MCOLN3: variants seen among roughly 807,000 people sequenced by gnomAD.
MCOLN3 encodes the protein mucolipin-3.
In MCOLN3, 62 loss-of-function variants were observed where a neutral mutation model predicts 69.4. That is an observed-to-expected ratio of 0.89 (90% confidence interval 0.73 to 1.10). The LOEUF (loss-of-function observed/expected upper bound fraction) is 1.10, where lower values mean the gene tolerates loss of function less well. MCOLN3 is among the 50% of genes least tolerant of loss of function. The pLI is 0.00. For synonymous variants in MCOLN3, 183 were observed against 217.0 expected (o/e 0.84, Z 1.38); for missense variants, 564 against 656.4 (o/e 0.86, Z 1.54).
At chr1:85,044,383 G>A (rs896228623) in intron 2 of MCOLN3, among the ~76,000 whole-genome samples, 13 of 152,084 alleles carry the variant, frequency 8.5e-5, no homozygotes, top group African/African-American at 2.4e-4. Flanking sequence ...GGAAGAGTAA[G>A]TAATAATAAA....
In MCOLN3 at chr1:85,045,129, T is replaced by C. The variant is rs780395568; in HGVS notation, c.228+4A>G. On this transcript the variant is annotated splice_donor_region_variant and intron_variant, in intron 2 of 12. Coordinates refer to ENST00000370589, the MANE Select transcript of MCOLN3 (RefSeq NM_018298.11). ...TCACCAAACTCATGATCTGAGATGC[T>C]TACCTGGATAGTCACCATTGCAATT... is the stretch of plus-strand genomic sequence containing the variant. The C allele has an allele frequency of 4.3e-6, 7 of 1,609,778 alleles. No individual in the cohort carries two copies. In the South Asian group the frequency reaches 6.6e-5, roughly 15 times the overall value.
chr1:85,032,616 TA>T, intron 6 of MCOLN3, 79 bp downstream of exon 6: 1 of 1,029,694 alleles, frequency 9.7e-7, no homozygotes, highest in Non-Finnish European at 1.5e-6. Flanking sequence ...TATCACACCG[TA>T]ATCCAAGGAT....
In MCOLN3 at chr1:85,026,009, T is replaced by C. The variant is rs1652195274; in HGVS notation, c.1025A>G (p.Tyr342Cys). ...SDQMEFVNGW[Y>C]IMIIISDILT... ...TATGTCACTAATAATAATCATAATG[T>C]ACCATCCATTGACAAATTCCATTTG... Residue 342 changes from tyrosine (Y) to cysteine (C), a missense_variant, in exon 9 of 13, where the codon TAC (tyrosine) becomes TGC (cysteine). By Grantham distance (194) the Tyr-to-Cys change is radical. Coordinates refer to ENST00000370589, the MANE Select transcript of MCOLN3 (RefSeq NM_018298.11). 6.3e-7 allele frequency: 1 copy of C among 1,599,148 alleles called. No homozygotes were observed. The highest frequency in any genetic ancestry group is 1.1e-5 in the South Asian group (1 of 88,672).
chr1:85,048,047 C>T (rs1213279238), intron 1 of MCOLN3, among the ~76,000 whole-genome samples: 1 of 152,254 alleles, frequency 6.6e-6, no homozygotes, highest in Non-Finnish European at 1.5e-5. Flanking sequence ...GCCTTCCAGC[C>T]CAGGGGCTCC....
At chr1:85,038,437 A>T (rs1362942319) in intron 3 of MCOLN3, among the ~76,000 whole-genome samples, 1 of 152,256 alleles carries the variant, frequency 6.6e-6, no homozygotes, top group Non-Finnish European at 1.5e-5. Context: ...GGTCTCTCAC[A>T]TTCAAATATA....
intron 6 of MCOLN3, among the ~76,000 whole-genome samples, chr1:85,031,038 C>T (rs892679905): frequency 9.2e-5 from 14 of 151,796 alleles, no homozygotes; most frequent in Non-Finnish European, 2.1e-4. Flanking sequence ...TTTGGGAGGC[C>T]GAGGTGGGTG....
intron 3 of MCOLN3, 36 bp from the exon 4 acceptor site, chr1:85,034,287 C>T (rs200249742): frequency 4.3e-5 from 70 of 1,612,076 alleles, no homozygotes; most frequent in African/African-American, 3.2e-4. Context: ...ATGGGAATGC[C>T]AGCCAGGGCA....
In MCOLN3 at chr1:85,041,080, C is replaced by A. The variant is rs756033195; in HGVS notation, c.326G>T (p.Arg109Leu). ...GTACACTGCATATGTGTCATCCATTCGGTCCATATATCCTTTTAGGAAAAG... is the reference window on the plus strand; with the variant it reads ...GTACACTGCATATGTGTCATCCATTAGGTCCATATATCCTTTTAGGAAAAG... ...KHLFLKGYMD[R>L]MDDTYAVYTQ... The change falls in exon 3 of 13, where the codon CGA becomes CTA. Residue 109 changes from arginine to leucine, a missense_variant. Physicochemically the swap from Arg to Leu is moderately radical, Grantham distance 102. Coordinates refer to ENST00000370589, the MANE Select transcript of MCOLN3 (RefSeq NM_018298.11). 4 of 1,613,936 alleles carry A rather than the reference C, an allele frequency of 2.5e-6. No homozygotes were observed. The highest frequency in any genetic ancestry group is 3.4e-6 in the Non-Finnish European group (4 of 1,179,928).
Position 85,026,153 on chromosome 1 carries a change from A to G in MCOLN3, c.945+19T>C. 1 of 1,613,400 alleles carries G rather than the reference A, an allele frequency of 6.2e-7. No individual in the cohort carries two copies. Among genetic ancestry groups the G allele is most frequent in the Non-Finnish European group, 8.5e-7 (1 of 1,179,362 alleles). ...CAATCAAAATGTCAGTAGCATTCCTAGAAAGCAACGTTCCCTACCTGCTGA... is the reference window on the plus strand; with the variant it reads ...CAATCAAAATGTCAGTAGCATTCCTGGAAAGCAACGTTCCCTACCTGCTGA... On this transcript the variant is annotated intron_variant, in intron 8 of 12. Transcript: ENST00000370589.
Position 85,025,991 on chromosome 1 carries a change from C to G in MCOLN3, c.1043G>C (p.Ser348Thr). Residue 348 changes from serine (S) to threonine (T), a missense_variant, in exon 9 of 13, where the codon AGT becomes ACT. Transcript: ENST00000370589. ...TGATCCAATGATTGTCAATATGTCACTAATAATAATCATAATGTACCATCC... is the reference window on the plus strand; with the variant it reads ...TGATCCAATGATTGTCAATATGTCAGTAATAATAATCATAATGTACCATCC... Reference protein sequence around the residue: ...VNGWYIMIIISDILTIIGSIL... With the variant: ...VNGWYIMIIITDILTIIGSIL... 1 of 1,598,892 alleles carries G rather than the reference C, an allele frequency of 6.3e-7. No individual in the cohort carries two copies. The highest frequency in any genetic ancestry group is 8.5e-7 in the Non-Finnish European group (1 of 1,172,466).
At chr1:85,041,483 C>T (rs1398787357) in intron 2 of MCOLN3, among the ~76,000 whole-genome samples, 1 of 152,160 alleles carries the variant, frequency 6.6e-6, no homozygotes, top group Non-Finnish European at 1.5e-5. Flanking sequence ...GGATTGACCT[C>T]AGCATTTTAC....
At chr1:85,043,742 A>G (rs1653196297) in intron 2 of MCOLN3, among the ~76,000 whole-genome samples, 1 of 152,214 alleles carries the variant, frequency 6.6e-6, no homozygotes, top group African/African-American at 2.4e-5. Context: ...TCAACTTGCC[A>G]AGTATTTGGC....
intron 6 of MCOLN3, among the ~76,000 whole-genome samples, chr1:85,032,403 C>A (rs1652582742): frequency 6.6e-6 from 1 of 152,132 alleles, no homozygotes; most frequent in South Asian, 2.1e-4. Context: ...ACACCTATTC[C>A]TTTTGGGTTT....
At chr1:85,022,217 G>T in intron 10 of MCOLN3, 25 bp from the exon 11 acceptor site, 1 of 1,613,874 alleles carries the variant, frequency 6.2e-7, no homozygotes, top group Non-Finnish European at 8.5e-7. Flanking sequence ...GAGGCCATTA[G>T]AATGGTTTTG....
chr1:85,031,424 T>G (rs1165079155), intron 6 of MCOLN3, among the ~76,000 whole-genome samples: 1 of 152,186 alleles, frequency 6.6e-6, no homozygotes, highest in East Asian at 1.9e-4. Flanking sequence ...GGTAAATATT[T>G]GAGGTGGTGA....
chr1:85,022,059 T>C lies in MCOLN3; in HGVS notation c.1320+11A>G. On this transcript the variant is annotated intron_variant, in intron 11 of 12. Coordinates refer to ENST00000370589, the MANE Select transcript of MCOLN3 (RefSeq NM_018298.11). ...CTTAATAGTAACAGGAAAAAAGTTG[T>C]TTATCAGTACCTTGTCATGGTAAGG... The C allele has an allele frequency of 1.9e-6, 3 of 1,606,670 alleles. No individual in the cohort carries two copies. The highest frequency in any genetic ancestry group is 2.5e-6 in the Non-Finnish European group (3 of 1,177,330).
chr1:85,047,800 G>A (rs1430511884), intron 1 of MCOLN3, among the ~76,000 whole-genome samples: 1 of 152,204 alleles, frequency 6.6e-6, no homozygotes, highest in Non-Finnish European at 1.5e-5. Flanking sequence ...TGGGTAGTGT[G>A]TGCGAGAAAG....
intron 6 of MCOLN3, 122 bp downstream of exon 6, chr1:85,032,574 G>A: frequency 2.6e-6 from 2 of 765,092 alleles, no homozygotes; most frequent in Non-Finnish European, 4.6e-6. Flanking sequence ...CTTCCCTTAT[G>A]CACATTCAAG....
chr1:85,028,119 T>C (rs1007649877), intron 7 of MCOLN3, among the ~76,000 whole-genome samples: 1 of 152,226 alleles, frequency 6.6e-6, no homozygotes, highest in African/African-American at 2.4e-5. Flanking sequence ...TGGAGAATGA[T>C]TATAAAGTAT....
Sources: gnomAD v4.1 joint callset for allele counts (sites outside exome capture counted in the v4.1 genomes callset) on GRCh38, gnomAD v4.1.1 for gene constraint, MANE v1.5 for transcripts, NCBI Gene and HGNC (gene_info 2026-07-23, HGNC 2026-07-21) for gene names.